KAT2B: variants seen among roughly 807,000 people sequenced by gnomAD.
The protein encoded by KAT2B is histone acetyltransferase KAT2B.
Under a neutral mutation model 105.9 loss-of-function variants are expected in KAT2B, and 36 were observed. The observed-to-expected ratio is 0.34, with a 90% CI of 0.26 to 0.45. The LOEUF (loss-of-function observed/expected upper bound fraction) is 0.45, where lower values mean the gene tolerates loss of function less well. Ranked by LOEUF, KAT2B falls within the 20% of genes least tolerant of loss-of-function variation. KAT2B has a pLI of 1.00. For missense variants in KAT2B, 820 were observed against 1,021.6 expected, an observed-to-expected ratio of 0.80 and a Z score of 2.69; for synonymous variants, 397 against 377.9, an observed-to-expected ratio of 1.05 and a Z score of -0.59.
chr3:20,092,094 T>C (rs1002060847), intron 2 of KAT2B, among the ~76,000 whole-genome samples: 1 of 152,198 alleles, frequency 6.6e-6, no homozygotes, highest in Non-Finnish European at 1.5e-5. Context: ...CCATTTTCTT[T>C]AAAGTATAGT....
At chr3:20,051,260 A>G (rs967990132) in intron 1 of KAT2B, among the ~76,000 whole-genome samples, 4 of 151,434 alleles carry the variant, frequency 2.6e-5, no homozygotes, top group African/African-American at 7.3e-5. Flanking sequence ...GGCCAAGTAG[A>G]TGTAGATAAG....
rs148473980 is a variant in KAT2B, at chr3:20,131,636, C to T, written c.1749+4087C>T. Among the ~76,000 whole-genome samples, 853 of 152,220 alleles carry T rather than the reference C, an allele frequency of 5.6e-3. 10 individuals are homozygous for T. Among genetic ancestry groups the T allele is most frequent in the African/African-American group, 0.02 (814 of 41,530 alleles). On this transcript the variant is annotated intron_variant, in intron 11 of 17. Transcript: ENST00000263754. ...AGGCTGGAGTGCAGTGGCATGATCA[C>T]AGCTCCCTGCGTCTGCGACCTCCTG...
rs747248565 is a variant in KAT2B at position 20,111,657 on chromosome 3, C to G, written c.913C>G (p.Gln305Glu). ...CDSLPRYETT[Q>E]VFGRTLLRSV... ...CAGTCTACCTCGGTACGAAACCACA[C>G]AGGTGTTTGGGAGAACATTGCTTCG... Residue 305 changes from glutamine to glutamate, a missense_variant, in exon 6 of 18, where the codon CAG becomes GAG. Coordinates refer to ENST00000263754, the MANE Select transcript of KAT2B (RefSeq NM_003884.5). The G allele has an allele frequency of 4.3e-6, 7 of 1,614,048 alleles. No homozygotes were observed. The East Asian group carries it at 6.7e-5, about 15-fold the overall frequency.
chr3:20,129,482 C>A (rs545842233), intron 11 of KAT2B, among the ~76,000 whole-genome samples: 93 of 149,766 alleles, frequency 6.2e-4, no homozygotes, highest in Admixed American at 1.2e-3. Context: ...TCAAGTGATT[C>A]TCCCACCTCA....
intron 13 of KAT2B, among the ~76,000 whole-genome samples, chr3:20,140,676 G>A (rs921741704): frequency 1.4e-4 from 22 of 152,130 alleles, no homozygotes; most frequent in South Asian, 1.2e-3. Context: ...ATTTTTAGTG[G>A]AGACAGCGTT....
intron 9 of KAT2B, among the ~76,000 whole-genome samples, chr3:20,123,254 GT>G (rs1272986980): frequency 1.3e-5 from 2 of 152,078 alleles, no homozygotes; most frequent in Non-Finnish European, 2.9e-5. Flanking sequence ...AAAAACACAT[GT>G]CATAATACTT....
At chr3:20,040,830 C>G in intron 1 of KAT2B, 50 bp downstream of exon 1, 2 of 1,520,488 alleles carry the variant, frequency 1.3e-6, no homozygotes, top group Non-Finnish European at 1.8e-6. Context: ...GGGCCCAGCC[C>G]GCGGGACCCC....
intron 13 of KAT2B, among the ~76,000 whole-genome samples, chr3:20,141,165 T>C (rs1461042780): frequency 6.6e-6 from 1 of 152,228 alleles, no homozygotes; most frequent in Non-Finnish European, 1.5e-5. Flanking sequence ...ATTTCAGTTA[T>C]TCATCTTACA....
chr3:20,097,315 C>T (rs1698828426), intron 3 of KAT2B, among the ~76,000 whole-genome samples: 1 of 152,156 alleles, frequency 6.6e-6, no homozygotes, highest in African/African-American at 2.4e-5. Context: ...GAAAGCATTG[C>T]TCTGCTTTAA....
At chr3:20,103,183 C>T (rs1289060417) in intron 5 of KAT2B, among the ~76,000 whole-genome samples, 1 of 152,126 alleles carries the variant, frequency 6.6e-6, no homozygotes. Flanking sequence ...TGAAACTCTG[C>T]TATATTATTG....
At chr3:20,066,251 C>T (rs7630299) in intron 1 of KAT2B, among the ~76,000 whole-genome samples, 135 of 152,156 alleles carry the variant, frequency 8.9e-4, no homozygotes, top group African/African-American at 3.1e-3. Context: ...TGTCTGTCTC[C>T]AAATCTCCTT....
chr3:20,094,052 C>CATTT (rs1698767301), intron 2 of KAT2B, among the ~76,000 whole-genome samples: 2 of 152,250 alleles, frequency 1.3e-5, no homozygotes, highest in South Asian at 4.1e-4. Context: ...GGCTGAGTGA[C>CATTT]ATTTGATGAA....
chr3:20,108,846 A>G (rs751719333), intron 5 of KAT2B, among the ~76,000 whole-genome samples: 1 of 152,318 alleles, frequency 6.6e-6, no homozygotes, highest in Middle Eastern at 3.4e-3. Flanking sequence ...TGAACTGTGC[A>G]TGTGAGGGAT....
chr3:20,064,427 G>A (rs1027932745), intron 1 of KAT2B, among the ~76,000 whole-genome samples: 3 of 152,128 alleles, frequency 2.0e-5, no homozygotes, highest in African/African-American at 4.8e-5. Flanking sequence ...TCTGCTGTGC[G>A]ATAGAACACC....
At chr3:20,114,227 C>G (rs543474833) in intron 6 of KAT2B, among the ~76,000 whole-genome samples, 18 of 152,298 alleles carry the variant, frequency 1.2e-4, no homozygotes, top group African/African-American at 4.3e-4. Context: ...TAATTAATCA[C>G]TGGTTCCAAT....
intron 2 of KAT2B, among the ~76,000 whole-genome samples, chr3:20,082,749 T>A (rs901489173): frequency 6.6e-6 from 1 of 152,150 alleles, no homozygotes; most frequent in Non-Finnish European, 1.5e-5. Flanking sequence ...AGATTAACAT[T>A]TTTCTACAAC....
chr3:20,065,112 C>G (rs543687638), intron 1 of KAT2B, among the ~76,000 whole-genome samples: 1 of 152,214 alleles, frequency 6.6e-6, no homozygotes, highest in Non-Finnish European at 1.5e-5. Context: ...CTATTGACCT[C>G]TAACCCTGGA....
chr3:20,062,202 T>A (rs930467883), intron 1 of KAT2B, among the ~76,000 whole-genome samples: 6,583 of 52,404 alleles, frequency 0.13, 636 homozygotes, highest in East Asian at 0.37. Context: ...TATATATATT[T>A]TATATAAAAT....
intron 1 of KAT2B, among the ~76,000 whole-genome samples, chr3:20,062,245 A>G (rs1311638023): frequency 0.081 from 2,139 of 26,360 alleles, 212 homozygotes; most frequent in African/African-American, 0.099. Flanking sequence ...TAAAATATAT[A>G]ATATATAAAA....
Sources: allele counts gnomAD v4.1 joint callset (sites outside exome capture counted in the v4.1 genomes callset), GRCh38; gene constraint gnomAD v4.1.1; transcripts MANE v1.5; gene names NCBI Gene and HGNC (gene_info 2026-07-23, HGNC 2026-07-21).